ZNF407: variants seen among roughly 807,000 people sequenced by gnomAD.
The protein encoded by ZNF407 is zinc finger protein 407.
A neutral mutation model predicts 131.2 loss-of-function variants in ZNF407; 17 were observed. The ratio of observed to expected loss-of-function variants is 0.13; its 90% CI spans 0.09 to 0.19. The LOEUF (loss-of-function observed/expected upper bound fraction) is 0.19. Ranked by LOEUF, ZNF407 falls within the 10% of genes least tolerant of loss-of-function variation. The probability of loss-of-function intolerance (pLI) is 1.00; values close to 1 mark genes in which losing one functional copy is unlikely to be tolerated. For missense variants in ZNF407, 2,681 were observed against 2,830.6 expected (o/e 0.95, Z 1.20); for synonymous variants, 1,156 against 1,062.0 (o/e 1.09, Z -1.72).
chr18:74,967,072 G>A lies in ZNF407; in HGVS notation c.5428+46380G>A, dbSNP rs139014880. On this transcript the variant is annotated intron_variant, in intron 8 of 8. Coordinates refer to ENST00000299687, the MANE Select transcript of ZNF407 (RefSeq NM_017757.3). ...GCCCAGGAGTTTGAGACCAGCCTGG[G>A]CAACATAGGGAAACCTCGTCTCTAC... Among the ~76,000 whole-genome samples the A allele has an allele frequency of 2.8e-4, 43 of 152,190 alleles. 1 individual carries two copies. In the East Asian group the frequency reaches 7.7e-3, roughly 27 times the overall value.
intron 3 of ZNF407, among the ~76,000 whole-genome samples, chr18:74,717,983 G>A (rs1320053256): frequency 6.6e-6 from 1 of 151,580 alleles, no homozygotes; most frequent in Non-Finnish European, 1.5e-5. Flanking sequence ...TTTAATTTTA[G>A]ACTGGTGGAT....
In ZNF407 at chr18:74,967,495, G is replaced by T. The variant is rs988362847; in HGVS notation, c.5428+46803G>T. Among the ~76,000 whole-genome samples, 2 of 152,116 alleles carry T rather than the reference G, an allele frequency of 1.3e-5. 1 individual carries two copies. The highest frequency in any genetic ancestry group is 4.8e-5 in the African/African-American group (2 of 41,416). ...TGACAGTGAATTATTGTATGGAAACGTGGGTCTTTTTTCTTTCTGTCTTGC... is the reference window on the plus strand; with the variant it reads ...TGACAGTGAATTATTGTATGGAAACTTGGGTCTTTTTTCTTTCTGTCTTGC... On this transcript the variant is annotated intron_variant, in intron 8 of 8. Transcript: ENST00000299687.
In ZNF407 at chr18:74,631,824, C is replaced by G; in HGVS notation, c.805C>G (p.Leu269Val). ...TGCACATTATCTTGGCAAAACACAT[C>G]TCCGTCGTCAGAATCTGGCTGCTCG... Reference protein sequence around the residue: ...LNAHYLGKTHLRRQNLAARGG... With the variant: ...LNAHYLGKTHVRRQNLAARGG... The change falls in exon 2 of 9, where the codon CTC becomes GTC. Residue 269 changes from leucine (L) to valine (V), a missense_variant. Leu to Val is a conservative substitution (Grantham distance 32). Transcript: ENST00000299687. The G allele has an allele frequency of 6.2e-7, 1 of 1,614,034 alleles. No homozygotes were observed. The highest frequency in any genetic ancestry group is 8.5e-7 in the Non-Finnish European group (1 of 1,179,896).
chr18:74,608,761 T>C (rs565019630), intron 1 of ZNF407, among the ~76,000 whole-genome samples: 3 of 152,316 alleles, frequency 2.0e-5, no homozygotes, highest in South Asian at 2.1e-4. Context: ...TCTTGTTAAA[T>C]TGAGGTTTAG....
chr18:74,744,187 C>T (rs1242374493), intron 3 of ZNF407, among the ~76,000 whole-genome samples: 2 of 152,238 alleles, frequency 1.3e-5, no homozygotes, highest in Non-Finnish European at 2.9e-5. Context: ...CTTTATGTGT[C>T]ATCTACTTCG....
chr18:74,778,684 AGCTTAGT>A (rs1270105046), intron 3 of ZNF407, among the ~76,000 whole-genome samples: 3 of 152,270 alleles, frequency 2.0e-5, no homozygotes. Context: ...TGGCTAGTCA[AGCTTAGT>A]GTCACTGCAT....
chr18:75,053,028 G>A (rs572748811), intron 8 of ZNF407, among the ~76,000 whole-genome samples: 10 of 152,274 alleles, frequency 6.6e-5, no homozygotes, highest in South Asian at 2.1e-4. Flanking sequence ...TCCTGTTTAC[G>A]CCCTCTTGGA....
chr18:74,645,635 C>G (rs1335363821), intron 3 of ZNF407, among the ~76,000 whole-genome samples: 1 of 98,950 alleles, frequency 1.0e-5, no homozygotes, highest in African/African-American at 3.7e-5. Flanking sequence ...CAGTAAAACT[C>G]TTTGTGTGTG....
intron 1 of ZNF407, among the ~76,000 whole-genome samples, chr18:74,610,607 A>G (rs548642348): frequency 2.0e-5 from 3 of 152,120 alleles, no homozygotes; most frequent in South Asian, 4.2e-4. Context: ...CTTGAGTGCA[A>G]TGGCTCATCT....
At chr18:74,941,077 C>T (rs1046283750) in intron 8 of ZNF407, among the ~76,000 whole-genome samples, 1 of 139,770 alleles carries the variant, frequency 7.2e-6, no homozygotes, top group African/African-American at 3.0e-5. Flanking sequence ...GAACCGGGCC[C>T]GTCCTTGCCT....
intron 6 of ZNF407, among the ~76,000 whole-genome samples, chr18:74,885,707 A>G (rs1971299983): frequency 6.6e-6 from 1 of 152,186 alleles, no homozygotes; most frequent in African/African-American, 2.4e-5. Context: ...TCTGCAAAGG[A>G]GTAAAGGCAA....
At chr18:74,796,908 A>G (rs1969930142) in intron 4 of ZNF407, among the ~76,000 whole-genome samples, 1 of 152,186 alleles carries the variant, frequency 6.6e-6, no homozygotes, top group South Asian at 2.1e-4. Flanking sequence ...AAGTGGAACA[A>G]ATTCAGCAAA....
At chr18:74,675,216 G>A (rs1028678801) in intron 3 of ZNF407, among the ~76,000 whole-genome samples, 6 of 152,016 alleles carry the variant, frequency 3.9e-5, no homozygotes, top group Non-Finnish European at 7.4e-5. Flanking sequence ...TTAACATTTG[G>A]GTGTAGGTTC....
intron 4 of ZNF407, among the ~76,000 whole-genome samples, chr18:74,808,837 A>G (rs1042522777): frequency 6.6e-6 from 1 of 152,180 alleles, no homozygotes; most frequent in African/African-American, 2.4e-5. Flanking sequence ...GTACCCAATA[A>G]AAAAGCTAAT....
At chr18:74,729,055 T>G (rs1233311712) in intron 3 of ZNF407, among the ~76,000 whole-genome samples, 1 of 152,114 alleles carries the variant, frequency 6.6e-6, no homozygotes, top group Non-Finnish European at 1.5e-5. Flanking sequence ...CCAGGACAGG[T>G]TTGTATCTGA....
intron 4 of ZNF407, among the ~76,000 whole-genome samples, chr18:74,798,753 A>G (rs1425574760): frequency 2.0e-5 from 3 of 152,050 alleles, no homozygotes; most frequent in African/African-American, 4.8e-5. Context: ...TTTTAGGCCT[A>G]TGGGCTCATT....
At chr18:74,847,705 GCTGT>G (rs1970720836) in intron 4 of ZNF407, among the ~76,000 whole-genome samples, 1 of 152,154 alleles carries the variant, frequency 6.6e-6, no homozygotes, top group Non-Finnish European at 1.5e-5. Flanking sequence ...GTGTATGTCT[GCTGT>G]CAGCATATTG....
At chr18:74,926,641 A>G (rs1421295018) in intron 8 of ZNF407, among the ~76,000 whole-genome samples, 1 of 152,096 alleles carries the variant, frequency 6.6e-6, no homozygotes, top group Non-Finnish European at 1.5e-5. Context: ...TGTCTCTACT[A>G]AAAATACAAA....
At chr18:74,871,866 CTT>C (rs34246690) in intron 4 of ZNF407, among the ~76,000 whole-genome samples, 13 of 145,468 alleles carry the variant, frequency 8.9e-5, no homozygotes, top group Admixed American at 1.4e-4. Flanking sequence ...TTCTTTCTTT[CTT>C]TTTTTTTTTT....
Sources: gnomAD v4.1 joint callset for allele counts (sites outside exome capture counted in the v4.1 genomes callset) on GRCh38, gnomAD v4.1.1 for gene constraint, MANE v1.5 for transcripts, NCBI Gene and HGNC (gene_info 2026-07-23, HGNC 2026-07-21) for gene names.